The following SHOC1 variants were observed in gnomAD, a reference collection of about 807,000 sequenced individuals.
SHOC1 encodes shortage in chiasmata 1, also known as protein shortage in chiasmata 1 ortholog.
Under a neutral mutation model 179.2 loss-of-function variants are expected in SHOC1, and 136 were observed. The observed-to-expected ratio is 0.76, with a 90% CI of 0.66 to 0.87. SHOC1 has a LOEUF of 0.87. SHOC1 is among the 40% of genes least tolerant of loss of function. The pLI is 0.00. For missense variants in SHOC1, 1,538 were observed against 1,700.8 expected, an observed-to-expected ratio of 0.90 and a Z score of 1.68; for synonymous variants, 489 against 586.6, an observed-to-expected ratio of 0.83 and a Z score of 2.41.
At chr9:111,698,306 G>A (rs4431659) in intron 24 of SHOC1, among the ~76,000 whole-genome samples, 6 of 152,096 alleles carry the variant, frequency 3.9e-5, no homozygotes, top group Non-Finnish European at 7.4e-5. Context: ...GGTTTTCTTC[G>A]AGGGTTTTTA....
rs746585331 is a variant in SHOC1, at chr9:111,714,426, C to T, written c.2415+19G>A. 1 of 1,609,916 alleles carries T rather than the reference C, an allele frequency of 6.2e-7. No individual in the cohort carries two copies. The highest frequency in any genetic ancestry group is 1.1e-5 in the South Asian group (1 of 90,306). ...TTACTTAAACTGATTATTTTACCGG[C>T]TTTATTCCAATACTTAACCTTAATT... On this transcript the variant is annotated intron_variant, in intron 17 of 27. Transcript: ENST00000682961.
At chr9:111,697,159 G>T (rs1351493383) in intron 24 of SHOC1, among the ~76,000 whole-genome samples, 1 of 151,196 alleles carries the variant, frequency 6.6e-6, no homozygotes, top group African/African-American at 2.4e-5. Flanking sequence ...CATCCTGAGA[G>T]AGTAGGATTG....
At chr9:111,706,880 G>T in intron 19 of SHOC1, 134 bp from the exon 20 acceptor site, 1 of 499,190 alleles carries the variant, frequency 2.0e-6, no homozygotes, top group Non-Finnish European at 3.4e-6. Flanking sequence ...GCACTGGTGC[G>T]TTTTCTGTTG....
rs201830962 is a variant in SHOC1 at position 111,694,270 on chromosome 9, T to C, written c.3276A>G (p.Glu1092=). ...SLMTSKRDPH[E]WLDKSWLKVS... ...CTTTAAGCCAGGATTTATCCAACCA[T>C]TCATGAGGATCTCTCTTTGAGGTCA... The change falls in exon 25 of 28, where the codon GAA becomes GAG. Residue 1092 remains glutamate (E), a synonymous_variant. Transcript: ENST00000682961. 1 of 1,611,560 alleles carries C rather than the reference T, an allele frequency of 6.2e-7. No homozygotes were observed.
chr9:111,727,675 A>G lies in SHOC1; in HGVS notation c.1792T>C (p.Cys598Arg), dbSNP rs763276879. 3 of 1,599,466 alleles carry G rather than the reference A, an allele frequency of 1.9e-6. No individual in the cohort carries two copies. The East Asian group carries it at 6.7e-5, about 36-fold the overall frequency. Residue 598 changes from cysteine to arginine, a missense_variant, in exon 13 of 28, where the codon TGC (cysteine) becomes CGC (arginine). By Grantham distance (180) the Cys-to-Arg change is radical. Transcript: ENST00000682961. Reference sequence around the variant, plus strand: ...TTTGTGACTTCAGTCTTTGAGGTGCAAGTCTTATATTTATTTCGCAGCATA... The same window carrying G: ...TTTGTGACTTCAGTCTTTGAGGTGCGAGTCTTATATTTATTTCGCAGCATA... Reference protein sequence around the residue: ...FIMLRNKYKTCTSKTEVTNSD... With the variant: ...FIMLRNKYKTRTSKTEVTNSD...
chr9:111,702,303 G>A, intron 22 of SHOC1, 77 bp from the exon 23 acceptor site: 2 of 984,456 alleles, frequency 2.0e-6, no homozygotes, highest in Non-Finnish European at 3.0e-6. Context: ...ATTATTTCAA[G>A]AATCTATGAC....
intron 18 of SHOC1, among the ~76,000 whole-genome samples, chr9:111,710,910 G>T (rs1211473269): frequency 6.6e-6 from 1 of 152,138 alleles, no homozygotes; most frequent in Non-Finnish European, 1.5e-5. Context: ...GATGAAGATG[G>T]CAAAAGATGC....
At chr9:111,714,763 C>CTG (rs34639224) in intron 16 of SHOC1, 140 bp from the exon 17 acceptor site, 20,419 of 768,356 alleles carry the variant, frequency 0.027, 992 homozygotes, top group African/African-American at 0.17. Context: ...TGATCAAAGA[C>CTG]ACTAATAAAA....
chr9:111,712,328 G>C (rs925222728), intron 18 of SHOC1, among the ~76,000 whole-genome samples: 1 of 152,168 alleles, frequency 6.6e-6, no homozygotes, highest in Non-Finnish European at 1.5e-5. Flanking sequence ...AAATAACCAG[G>C]TGGTTAGTAG....
intron 15 of SHOC1, among the ~76,000 whole-genome samples, chr9:111,719,110 G>T (rs1272234685): frequency 6.6e-6 from 1 of 152,098 alleles, no homozygotes; most frequent in Non-Finnish European, 1.5e-5. Flanking sequence ...GCCCCTAGAA[G>T]GACTTGTGGG....
intron 21 of SHOC1, 73 bp downstream of exon 21, chr9:111,705,174 C>CACACACACAA: frequency 1.8e-6 from 1 of 552,628 alleles, no homozygotes; most frequent in Non-Finnish European, 3.1e-6. Context: ...TATATATACA[C>CACACACACAA]ACACACACAC....
At chr9:111,733,076 T>C (rs780287012) in intron 12 of SHOC1, among the ~76,000 whole-genome samples, 3 of 152,118 alleles carry the variant, frequency 2.0e-5, no homozygotes, top group Admixed American at 6.5e-5. Flanking sequence ...TCCTTTCCCT[T>C]AATAAACCAT....
intron 4 of SHOC1, among the ~76,000 whole-genome samples, chr9:111,778,588 G>A (rs1835914699): frequency 6.6e-6 from 1 of 152,034 alleles, no homozygotes; most frequent in South Asian, 2.1e-4. Flanking sequence ...GACCAACATG[G>A]TGAAACTCCA....
At chr9:111,723,069 C>T (rs1048215680) in intron 14 of SHOC1, among the ~76,000 whole-genome samples, 108 of 152,214 alleles carry the variant, frequency 7.1e-4, no homozygotes, top group East Asian at 1.9e-4. Context: ...TGTGAGCCAC[C>T]GCGCCTGGCC....
intron 5 of SHOC1, among the ~76,000 whole-genome samples, chr9:111,774,398 A>C (rs1835747516): frequency 6.6e-6 from 1 of 152,168 alleles, no homozygotes; most frequent in Non-Finnish European, 1.5e-5. Context: ...ACCTGGGTTC[A>C]AGCAATCTTC....
intron 10 of SHOC1, among the ~76,000 whole-genome samples, chr9:111,743,766 C>T (rs142788875): frequency 7.9e-5 from 12 of 152,206 alleles, no homozygotes; most frequent in African/African-American, 2.4e-4. Flanking sequence ...CAATAACATT[C>T]GCAGTTTCAG....
intron 4 of SHOC1, among the ~76,000 whole-genome samples, chr9:111,780,202 G>A (rs190837058): frequency 6.8e-4 from 104 of 152,228 alleles, no homozygotes; most frequent in African/African-American, 2.5e-3. Context: ...ACCTTTCAAT[G>A]TTTTTTTGTT....
chr9:111,699,850 T>G (rs1435601499), intron 24 of SHOC1, 104 bp downstream of exon 24: 8 of 625,850 alleles, frequency 1.3e-5, no homozygotes, highest in Non-Finnish European at 2.2e-5. Flanking sequence ...TTAAACAGTT[T>G]TTAATTCATT....
chr9:111,755,397 G>T (rs949517057), intron 8 of SHOC1, among the ~76,000 whole-genome samples: 2 of 152,120 alleles, frequency 1.3e-5, no homozygotes, highest in African/African-American at 4.8e-5. Context: ...TCAAGTCTGT[G>T]GTCTGTTCAT....
Sources: gnomAD v4.1 joint callset for allele counts (sites outside exome capture counted in the v4.1 genomes callset) on GRCh38, gnomAD v4.1.1 for gene constraint, MANE v1.5 for transcripts, NCBI Gene and HGNC (gene_info 2026-07-23, HGNC 2026-07-21) for gene names.